The following RFX4 variants were observed in gnomAD, a reference collection of about 807,000 sequenced individuals.
RFX4 encodes transcription factor RFX4.
Under a neutral mutation model 95.0 loss-of-function variants are expected in RFX4, and 10 were observed. The ratio of observed to expected loss-of-function variants is 0.11; its 90% CI spans 0.06 to 0.18. The LOEUF is 0.18. RFX4 is among the 10% of genes least tolerant of loss of function. The pLI, the probability that RFX4 is intolerant of heterozygous loss-of-function variation, is 1.00. For synonymous variants in RFX4, 321 were observed against 340.7 expected (o/e 0.94, Z 0.64); for missense variants, 640 against 922.0 (o/e 0.69, Z 3.96).
chr12:106,641,918 A>C, intron 3 of RFX4, among the ~76,000 whole-genome samples: 1 of 150,970 alleles, frequency 6.6e-6, no homozygotes, highest in East Asian at 1.9e-4. Flanking sequence ...ATGACAGGGG[A>C]AAAAGGGGAA....
At chr12:106,751,043 C>G (rs1205998628) in intron 17 of RFX4, among the ~76,000 whole-genome samples, 80 of 150,768 alleles carry the variant, frequency 5.3e-4, no homozygotes, top group Admixed American at 4.6e-3. Context: ...CCACTAACTC[C>G]TCATCTAGCA....
At chr12:106,646,111 G>A (rs935950511) in intron 3 of RFX4, among the ~76,000 whole-genome samples, 17 of 152,168 alleles carry the variant, frequency 1.1e-4, no homozygotes, top group African/African-American at 3.9e-4. Flanking sequence ...TGAAGCACAT[G>A]CAGCCAGCAG....
At chr12:106,699,242 T>C (rs1050797368) in intron 8 of RFX4, among the ~76,000 whole-genome samples, 5 of 152,190 alleles carry the variant, frequency 3.3e-5, no homozygotes, top group Non-Finnish European at 7.4e-5. Context: ...TAATAATTTC[T>C]AGTTTAATTC....
chr12:106,725,349 G>A (rs901267606), intron 13 of RFX4, among the ~76,000 whole-genome samples: 9 of 152,036 alleles, frequency 5.9e-5, no homozygotes, highest in Admixed American at 6.5e-5. Context: ...AAAGAATTTA[G>A]GGACCCTGTT....
At chr12:106,739,190 T>C (rs2042764161) in intron 15 of RFX4, among the ~76,000 whole-genome samples, 1 of 150,650 alleles carries the variant, frequency 6.6e-6, no homozygotes, top group South Asian at 2.1e-4. Flanking sequence ...TGGTTAGCTT[T>C]AAAAATTTAT....
intron 2 of RFX4, among the ~76,000 whole-genome samples, chr12:106,630,279 TA>T (rs1189235689): frequency 6.6e-6 from 1 of 152,244 alleles, no homozygotes; most frequent in African/African-American, 2.4e-5. Context: ...TTTTATATAG[TA>T]AAATTTATCA....
chr12:106,707,991 G>A (rs12827304), intron 8 of RFX4, among the ~76,000 whole-genome samples: 3,543 of 152,246 alleles, frequency 0.023, 56 homozygotes, highest in Non-Finnish European at 0.037. Flanking sequence ...AAAATTAGCT[G>A]AGCGTGGTGG....
At chr12:106,607,790 G>T (rs1177350640) in intron 1 of RFX4, among the ~76,000 whole-genome samples, 1 of 152,000 alleles carries the variant, frequency 6.6e-6, no homozygotes, top group Non-Finnish European at 1.5e-5. Context: ...TGAATGAATG[G>T]TGGGTGGTCT....
Position 106,696,339 on chromosome 12 carries a change from G to A in RFX4, c.726G>A (p.Val242=). 4 of 1,614,168 alleles carry A rather than the reference G, an allele frequency of 2.5e-6. No individual in the cohort carries two copies. Among genetic ancestry groups the A allele is most frequent in the Non-Finnish European group, 3.4e-6 (4 of 1,180,020 alleles). Residue 242 remains valine (V), a synonymous_variant, in exon 8 of 18, where the codon GTG becomes GTA. Coordinates refer to ENST00000392842, the MANE Select transcript of RFX4 (RefSeq NM_213594.3). Reference sequence around the variant, plus strand: ...GAATGCCGCCCCACATGCTGCCTGTGCTGGGCTCCTCCACGGTGGTGAACA... The same window carrying A: ...GAATGCCGCCCCACATGCTGCCTGTACTGGGCTCCTCCACGGTGGTGAACA... ...WQGMPPHMLP[V]LGSSTVVNIV...
At chr12:106,643,843 G>A (rs1018962308) in intron 3 of RFX4, among the ~76,000 whole-genome samples, 1 of 152,142 alleles carries the variant, frequency 6.6e-6, no homozygotes, top group African/African-American at 2.4e-5. Flanking sequence ...TAAGACTCCA[G>A]TCCATTTCTC....
At chr12:106,601,278 T>G (rs905861349) in intron 1 of RFX4, 2 of 1,590,040 alleles carry the variant, frequency 1.3e-6, no homozygotes, top group African/African-American at 2.7e-5. Context: ...TGAGACAGAA[T>G]GATCAAAAGG....
chr12:106,721,626 T>A (rs754249633), intron 13 of RFX4, among the ~76,000 whole-genome samples: 1 of 152,248 alleles, frequency 6.6e-6, no homozygotes, highest in Non-Finnish European at 1.5e-5. Context: ...GAGATGGGAC[T>A]TTTAGGCATT....
chr12:106,679,227 G>A (rs1319027557), intron 4 of RFX4, among the ~76,000 whole-genome samples: 1 of 152,208 alleles, frequency 6.6e-6, no homozygotes, highest in Non-Finnish European at 1.5e-5. Flanking sequence ...AGAGGTTGAG[G>A]TGGGTGGATC....
At chr12:106,747,740 C>T (rs1054556731) in intron 16 of RFX4, 141 bp downstream of exon 16, 13 of 828,170 alleles carry the variant, frequency 1.6e-5, no homozygotes, top group Middle Eastern at 3.7e-4. Context: ...CCAGCCTGGC[C>T]AACGTGGTGA....
At chr12:106,732,340 C>CA (rs1434906045) in intron 14 of RFX4, 91 bp downstream of exon 14, 10 of 1,521,302 alleles carry the variant, frequency 6.6e-6, no homozygotes, top group Non-Finnish European at 8.9e-6. Context: ...CTCTGTATCT[C>CA]AAAGAATTTA....
chr12:106,687,772 T>G (rs1239511468), intron 6 of RFX4, among the ~76,000 whole-genome samples: 1 of 152,190 alleles, frequency 6.6e-6, no homozygotes, highest in Non-Finnish European at 1.5e-5. Flanking sequence ...CTATCATGTA[T>G]GCCTATCTGT....
At chr12:106,708,579 G>C (rs541425294) in intron 8 of RFX4, among the ~76,000 whole-genome samples, 66 of 152,272 alleles carry the variant, frequency 4.3e-4, no homozygotes, top group South Asian at 2.1e-3. Context: ...GGTGTTGGTG[G>C]AAGGCAAGGA....
chr12:106,607,416 T>C (rs1036209412), intron 1 of RFX4, among the ~76,000 whole-genome samples: 1 of 152,166 alleles, frequency 6.6e-6, no homozygotes. Flanking sequence ...AGATTGCTTT[T>C]AGAGGTGGGT....
rs1180082430 is a variant in RFX4 at position 106,761,479 on chromosome 12, T to G, written c.*10T>G. 6.5e-7 allele frequency: 1 copy of G among 1,537,404 alleles called. No individual in the cohort carries two copies. Among genetic ancestry groups the G allele is most frequent in the Non-Finnish European group, 8.8e-7 (1 of 1,140,662 alleles). Reference sequence around the variant, plus strand: ...AGGATGGGCTAAATGACTGCTATCATAGGCATCCATATTTAATATTAATAA... The same window carrying G: ...AGGATGGGCTAAATGACTGCTATCAGAGGCATCCATATTTAATATTAATAA... On this transcript the variant is annotated 3_prime_UTR_variant, in exon 18 of 18. Transcript: ENST00000392842.
Sources: gnomAD v4.1 joint callset for allele counts (sites outside exome capture counted in the v4.1 genomes callset) on GRCh38, gnomAD v4.1.1 for gene constraint, MANE v1.5 for transcripts, NCBI Gene and HGNC (gene_info 2026-07-23, HGNC 2026-07-21) for gene names.